The following RBPMS variants were observed in gnomAD, a reference collection of about 807,000 sequenced individuals.
RBPMS encodes the protein RNA-binding protein with multiple splicing.
RBPMS carries 7 observed loss-of-function variants against 26.8 expected under a neutral mutation model. The ratio of observed to expected loss-of-function variants is 0.26; its 90% CI spans 0.15 to 0.49. RBPMS has a LOEUF of 0.49. Among genes scored for constraint, RBPMS ranks in the 20% least tolerant of loss-of-function variants. The pLI is 0.98. For missense variants in RBPMS, 186 were observed against 250.0 expected (o/e 0.74, Z 1.73); for synonymous variants, 96 against 93.3 (o/e 1.03, Z -0.17).
chr8:30,454,923 C>T (rs1016485260), intron 1 of RBPMS, among the ~76,000 whole-genome samples: 53 of 152,136 alleles, frequency 3.5e-4, no homozygotes, highest in African/African-American at 1.3e-3. Context: ...TCCCGATTCA[C>T]GCAATTCTCC....
At chr8:30,449,916 C>T (rs1035236476) in intron 1 of RBPMS, among the ~76,000 whole-genome samples, 58 of 152,324 alleles carry the variant, frequency 3.8e-4, no homozygotes, top group Non-Finnish European at 1.0e-4. Context: ...TTGGTTTCAA[C>T]AGAAAATCTT....
At chr8:30,526,988 A>G (rs933792469) in intron 5 of RBPMS, among the ~76,000 whole-genome samples, 4 of 152,178 alleles carry the variant, frequency 2.6e-5, no homozygotes, top group Non-Finnish European at 5.9e-5. Flanking sequence ...GATGATTCAG[A>G]TAGCGCTCTG....
intron 7 of RBPMS, chr8:30,565,427 A>T (rs1827823283): frequency 1.3e-5 from 2 of 152,198 alleles, no homozygotes; most frequent in South Asian, 4.1e-4. Flanking sequence ...CGCATACTGG[A>T]CACGGCCTGT....
chr8:30,492,026 G>A (rs192740055), intron 4 of RBPMS, among the ~76,000 whole-genome samples: 8 of 152,164 alleles, frequency 5.3e-5, no homozygotes, highest in Non-Finnish European at 1.2e-4. Flanking sequence ...TGAGTAGCTG[G>A]GATTACAGGC....
chr8:30,459,671 A>G (rs1440356104), intron 1 of RBPMS, among the ~76,000 whole-genome samples: 1 of 152,214 alleles, frequency 6.6e-6, no homozygotes, highest in Non-Finnish European at 1.5e-5. Flanking sequence ...CAACAAGGTC[A>G]GTCCCTAAGC....
intron 4 of RBPMS, among the ~76,000 whole-genome samples, chr8:30,501,864 T>A (rs1423444871): frequency 6.6e-6 from 1 of 152,214 alleles, no homozygotes; most frequent in Non-Finnish European, 1.5e-5. Flanking sequence ...AATTTTTTTC[T>A]CTTGTCTTCT....
At position 30,503,735 on chromosome 8, in the gene RBPMS, C is replaced by T. The variant is rs553102357; in HGVS notation, c.247-551C>T. Among the ~76,000 whole-genome samples, 6 of 152,208 alleles carry T rather than the reference C, an allele frequency of 3.9e-5. No homozygotes were observed. In the South Asian group the frequency reaches 1.2e-3, roughly 32 times the overall value. On this transcript the variant is annotated intron_variant, in intron 4 of 8. Transcript: ENST00000397323. ...AGACCACACCATGAAAACATGGGAA[C>T]TGAGTGGGTCCCATGGGTGCACATT...
intron 4 of RBPMS, among the ~76,000 whole-genome samples, chr8:30,494,681 T>A (rs1819741759): frequency 6.6e-6 from 1 of 152,192 alleles, no homozygotes; most frequent in African/African-American, 2.4e-5. Flanking sequence ...GGGATGTCTC[T>A]TTTATAATTG....
intron 1 of RBPMS, among the ~76,000 whole-genome samples, chr8:30,451,271 G>A (rs910258950): frequency 2.0e-5 from 3 of 152,106 alleles, no homozygotes; most frequent in African/African-American, 4.8e-5. Flanking sequence ...AGCTAAAATC[G>A]TTGAATCATA....
At chr8:30,415,677 C>A (rs995485733) in intron 1 of RBPMS, among the ~76,000 whole-genome samples, 4 of 152,068 alleles carry the variant, frequency 2.6e-5, no homozygotes, top group Non-Finnish European at 1.5e-5. Flanking sequence ...ATAGGCTTGG[C>A]TGGAAAGTCT....
At chr8:30,437,548 C>T (rs190816660) in intron 1 of RBPMS, among the ~76,000 whole-genome samples, 78 of 151,268 alleles carry the variant, frequency 5.2e-4, no homozygotes, top group Admixed American at 2.0e-3. Context: ...CCCAGCACTT[C>T]GGGAGGCCGA....
At position 30,572,086 on chromosome 8, in the gene RBPMS, A is replaced by G. The variant is rs1437130704; in HGVS notation, c.*1561A>G. On this transcript the variant is annotated 3_prime_UTR_variant, in exon 9 of 9. Transcript: ENST00000397323. The stretch of plus-strand genomic sequence containing the variant: ...TAGCTCAAGGACTTGTGACGGATCC[A>G]CTTTGGTGTTCAAGGACCTGCTTAT... 6.6e-6 allele frequency: 1 copy of G among 152,220 alleles called. No individual in the cohort carries two copies. Among genetic ancestry groups the G allele is most frequent in the Non-Finnish European group, 1.5e-5 (1 of 68,046 alleles). 9.4% of individuals were successfully genotyped at this position (152,220 alleles called of 1,614,324 possible). A position where few individuals can be genotyped will look rare whatever the true frequency, so the allele number is the denominator to read the frequency against.
chr8:30,420,105 G>A (rs147858685), intron 1 of RBPMS, among the ~76,000 whole-genome samples: 2 of 152,116 alleles, frequency 1.3e-5, no homozygotes, highest in Admixed American at 6.6e-5. Context: ...ATGTGTGCCC[G>A]TAGTCCCAGT....
chr8:30,486,118 G>T (rs1563364728), intron 4 of RBPMS, among the ~76,000 whole-genome samples: 1 of 152,028 alleles, frequency 6.6e-6, no homozygotes, highest in African/African-American at 2.4e-5. Flanking sequence ...AGGCTGAGGT[G>T]GGCAGATCAC....
At chr8:30,505,672 A>G (rs2150939358) in intron 5 of RBPMS, among the ~76,000 whole-genome samples, 1 of 152,346 alleles carries the variant, frequency 6.6e-6, no homozygotes, top group East Asian at 1.9e-4. Flanking sequence ...GTACAGGAGG[A>G]TATAGGAACA....
At chr8:30,470,085 A>G (rs2150811705) in intron 1 of RBPMS, among the ~76,000 whole-genome samples, 1 of 152,198 alleles carries the variant, frequency 6.6e-6, no homozygotes, top group East Asian at 1.9e-4. Flanking sequence ...ATGTTTTAAA[A>G]TATTTCTGTG....
chr8:30,424,549 AG>A (rs1811141572), intron 1 of RBPMS, among the ~76,000 whole-genome samples: 1 of 152,236 alleles, frequency 6.6e-6, no homozygotes, highest in Non-Finnish European at 1.5e-5. Flanking sequence ...ATTCATAACT[AG>A]GTTCATACTC....
intron 4 of RBPMS, among the ~76,000 whole-genome samples, chr8:30,484,516 A>T (rs1393249576): frequency 1.3e-5 from 2 of 152,212 alleles, no homozygotes; most frequent in Non-Finnish European, 2.9e-5. Flanking sequence ...AAGAGTTGAA[A>T]AGCAGTTTTG....
chr8:30,449,690 G>A (rs1814316488), intron 1 of RBPMS, among the ~76,000 whole-genome samples: 1 of 152,132 alleles, frequency 6.6e-6, no homozygotes, highest in Non-Finnish European at 1.5e-5. Context: ...TTTTTAAATG[G>A]AGACAGAAGC....
Sources: allele counts gnomAD v4.1 joint callset (sites outside exome capture counted in the v4.1 genomes callset), GRCh38; gene constraint gnomAD v4.1.1; transcripts MANE v1.5; gene names NCBI Gene and HGNC (gene_info 2026-07-23, HGNC 2026-07-21).